The following FLRT1 variants were observed in gnomAD, a reference collection of about 807,000 sequenced individuals.
FLRT1 encodes the protein fibronectin leucine rich transmembrane protein 1.
Under a neutral mutation model 30.9 loss-of-function variants are expected in FLRT1, and 14 were observed. The ratio of observed to expected loss-of-function variants is 0.45; its 90% CI spans 0.30 to 0.71. The LOEUF (loss-of-function observed/expected upper bound fraction) is 0.71, where lower values mean the gene tolerates loss of function less well. Ranked by LOEUF, FLRT1 falls within the 30% of genes least tolerant of loss-of-function variation. The pLI is 0.08. For synonymous variants in FLRT1, 368 were observed against 430.4 expected (o/e 0.85, Z 1.80); for missense variants, 737 against 949.2 (o/e 0.78, Z 2.94).
chr11:64,053,907 C>T (rs1022567730), intron 1 of FLRT1, among the ~76,000 whole-genome samples: 3 of 152,106 alleles, frequency 2.0e-5, no homozygotes, highest in Non-Finnish European at 2.9e-5. Flanking sequence ...TCCGTCATCC[C>T]CCCCACCACC....
chr11:64,082,341 G>A lies in FLRT1; in HGVS notation c.-1037-20853G>A, dbSNP rs998097031. ...GGGTGGAGGATGATCCGGGGGGACC[G>A]TGGAAGGCAGGACGGGGGCCAGGAG... On this transcript the variant is annotated intron_variant, in intron 1 of 2. Coordinates refer to ENST00000682287, the MANE Select transcript of FLRT1 (RefSeq NM_013280.5). This position sits in a 1 kb window ranked among gnomAD's most constrained non-coding sequence, Gnocchi z 4.5. 4.6e-5 allele frequency among the ~76,000 whole-genome samples: 7 copies of A among 152,008 alleles called. No homozygotes were observed. Among genetic ancestry groups the A allele is most frequent in the African/African-American group, 1.7e-4 (7 of 41,392 alleles).
chr11:64,043,914 A>G (rs1943536466), intron 1 of FLRT1, among the ~76,000 whole-genome samples: 1 of 151,578 alleles, frequency 6.6e-6, no homozygotes, highest in African/African-American at 2.4e-5. Flanking sequence ...AACAGGTTCA[A>G]GCTATTCTCC....
intron 1 of FLRT1, among the ~76,000 whole-genome samples, chr11:64,042,844 G>C (rs1565206362): frequency 6.6e-6 from 1 of 152,194 alleles, no homozygotes; most frequent in Non-Finnish European, 1.5e-5. Context: ...TAGCCAGAGG[G>C]GCTGGGTAGT....
intron 1 of FLRT1, among the ~76,000 whole-genome samples, chr11:64,061,613 T>G (rs1388678580): frequency 6.6e-6 from 1 of 152,236 alleles, no homozygotes; most frequent in Non-Finnish European, 1.5e-5. Flanking sequence ...CGAATCTGCA[T>G]GCCTCTCTGG....
At position 64,096,528 on chromosome 11, in the gene FLRT1, G is replaced by A. The variant is rs1220454216; in HGVS notation, c.-1037-6666G>A. 2.0e-5 allele frequency among the ~76,000 whole-genome samples: 3 copies of A among 151,858 alleles called. No homozygotes were observed. The highest frequency in any genetic ancestry group is 4.4e-5 in the Non-Finnish European group (3 of 67,956). On this transcript the variant is annotated intron_variant, in intron 1 of 2. Transcript: ENST00000682287. The surrounding 1 kb of genome is among the most constrained non-coding windows in gnomAD (Gnocchi z 4.6). The stretch of plus-strand genomic sequence containing the variant: ...CCTTCCGGGTTCAAGCAATTCTCTT[G>A]CCTCAGCCCACCGAGTAGCTGGGAT...
chr11:64,038,398 G>A (rs1218275331), intron 1 of FLRT1, among the ~76,000 whole-genome samples: 1 of 152,218 alleles, frequency 6.6e-6, no homozygotes, highest in African/African-American at 2.4e-5. Context: ...GAAGGGCAGT[G>A]CACACATGAG....
At chr11:64,107,342 C>A (rs1475939412) in intron 2 of FLRT1, among the ~76,000 whole-genome samples, 1 of 151,920 alleles carries the variant, frequency 6.6e-6, no homozygotes, top group African/African-American at 2.4e-5. Flanking sequence ...CTTTCATCCC[C>A]CCACCCCCTC....
chr11:64,080,094 C>A (rs1944276372), intron 1 of FLRT1, among the ~76,000 whole-genome samples: 1 of 152,198 alleles, frequency 6.6e-6, no homozygotes, highest in Non-Finnish European at 1.5e-5. Context: ...TTCACTGCAA[C>A]CTCCGCCTCC....
At chr11:64,097,734 G>A (rs1160566998) in intron 1 of FLRT1, among the ~76,000 whole-genome samples, 2 of 152,244 alleles carry the variant, frequency 1.3e-5, no homozygotes, top group Admixed American at 1.3e-4. Flanking sequence ...AAGCCTGGGG[G>A]CCCGGAGCGA....
chr11:64,079,177 G>C (rs1226612511), intron 1 of FLRT1, among the ~76,000 whole-genome samples: 1 of 152,152 alleles, frequency 6.6e-6, no homozygotes, highest in Non-Finnish European at 1.5e-5. Flanking sequence ...ACTTGCTGAC[G>C]ACTGTGTGTG....
intron 1 of FLRT1, among the ~76,000 whole-genome samples, chr11:64,051,432 C>A (rs530368680): frequency 6.6e-6 from 1 of 152,162 alleles, no homozygotes; most frequent in Non-Finnish European, 1.5e-5. Context: ...TGATGGCGGA[C>A]CCACCCTCCC....
Position 64,117,390 on chromosome 11 carries a change from A to G in FLRT1, c.1123A>G (p.Met375Val), listed in dbSNP as rs772210831. 6.2e-7 allele frequency: 1 copy of G among 1,612,256 alleles called. No homozygotes were observed. Among genetic ancestry groups the G allele is most frequent in the Non-Finnish European group, 8.5e-7 (1 of 1,178,502 alleles). The change falls in exon 3 of 3, where the codon ATG (methionine) becomes GTG (valine). Residue 375 changes from methionine to valine, a missense_variant. Met to Val is a conservative substitution (Grantham distance 21). Transcript: ENST00000682287. ...GMAIKDITSE[M>V]DECFETGPQG... ...GGCCATCAAGGACATTACCAGCGAG[A>G]TGGACGAGTGTTTTGAGACGGGGCC...
intron 2 of FLRT1, among the ~76,000 whole-genome samples, chr11:64,114,031 G>A (rs1944918906): frequency 1.3e-5 from 2 of 148,728 alleles, no homozygotes; most frequent in Non-Finnish European, 3.0e-5. Context: ...TGGATGGATG[G>A]ACAGGTGGAT....
At chr11:64,045,278 G>GA (rs1350710211) in intron 1 of FLRT1, among the ~76,000 whole-genome samples, 1 of 152,230 alleles carries the variant, frequency 6.6e-6, no homozygotes, top group Non-Finnish European at 1.5e-5. Flanking sequence ...TGCCGTCACA[G>GA]AGCAATCTCC....
intron 1 of FLRT1, among the ~76,000 whole-genome samples, 162 bp from the exon 2 acceptor site, chr11:64,103,032 C>T (rs567958923): frequency 6.6e-6 from 1 of 151,802 alleles, no homozygotes; most frequent in South Asian, 2.1e-4. Context: ...GATTGTGCCA[C>T]TGCACTCTAG....
At chr11:64,054,735 T>C (rs1047831319) in intron 1 of FLRT1, among the ~76,000 whole-genome samples, 11 of 152,120 alleles carry the variant, frequency 7.2e-5, no homozygotes, top group African/African-American at 2.4e-4. Flanking sequence ...CTTCCTTGTT[T>C]CCTGCCTGAA....
At chr11:64,098,237 C>T (rs1344484786) in intron 1 of FLRT1, among the ~76,000 whole-genome samples, 4 of 152,220 alleles carry the variant, frequency 2.6e-5, no homozygotes, top group African/African-American at 9.6e-5. Flanking sequence ...CCAGGCCCCT[C>T]AGTGCAGCAT....
At chr11:64,086,616 C>A (rs1021007724) in intron 1 of FLRT1, among the ~76,000 whole-genome samples, 1 of 152,170 alleles carries the variant, frequency 6.6e-6, no homozygotes, top group Non-Finnish European at 1.5e-5. Flanking sequence ...GTGCTTTTTC[C>A]GGCCCCTGCA....
intron 1 of FLRT1, among the ~76,000 whole-genome samples, chr11:64,058,179 C>T (rs1309914860): frequency 1.3e-5 from 2 of 152,262 alleles, no homozygotes; most frequent in South Asian, 4.1e-4. Flanking sequence ...TGTCCACCCA[C>T]GAAATGACTA....
Sources: gnomAD v4.1 joint callset for allele counts (sites outside exome capture counted in the v4.1 genomes callset) on GRCh38, gnomAD v4.1.1 for gene constraint, Gnocchi (gnomAD v3.1) non-coding constraint, MANE v1.5 for transcripts, NCBI Gene and HGNC (gene_info 2026-07-23, HGNC 2026-07-21) for gene names.